The following TMEM14C variants were observed in gnomAD, a reference collection of about 807,000 sequenced individuals.
The protein encoded by TMEM14C is chromosome 6 open reading frame 53.
TMEM14C carries 13 observed loss-of-function variants against 14.8 expected under a neutral mutation model. The ratio of observed to expected loss-of-function variants is 0.88; its 90% CI spans 0.57 to 1.40. TMEM14C has a LOEUF of 1.40. Ranked by LOEUF, TMEM14C falls within the 40% of genes most tolerant of loss-of-function variation. The pLI, the probability that TMEM14C is intolerant of heterozygous loss-of-function variation, is 0.00. For synonymous variants in TMEM14C, 57 were observed against 51.3 expected, an observed-to-expected ratio of 1.11 and a Z score of -0.48; for missense variants, 142 against 138.8, an observed-to-expected ratio of 1.02 and a Z score of -0.12.
At chr6:10,729,831 C>T (rs1451208189) in intron 5 of TMEM14C, among the ~76,000 whole-genome samples, 1 of 151,700 alleles carries the variant, frequency 6.6e-6, no homozygotes, top group Non-Finnish European at 1.5e-5. Flanking sequence ...GGTGTGGTGG[C>T]TCATGCCTAC....
At position 10,727,714 on chromosome 6, in the gene TMEM14C, A is replaced by G. The variant is rs773785454; in HGVS notation, c.200-926A>G. On this transcript the variant is annotated intron_variant, in intron 4 of 5. Transcript: ENST00000229563. ...CGGACGCCTGTAGTCCGAGTTACTC[A>G]GGAGGCTGAGACTTGAGAATTGCTT... 7.0e-4 allele frequency among the ~76,000 whole-genome samples: 106 copies of G among 151,896 alleles called. 1 individual carries two copies. Among genetic ancestry groups the G allele is most frequent in the Admixed American group, 4.6e-4 (7 of 15,238 alleles).
chr6:10,727,944 T>A (rs1415774677), intron 4 of TMEM14C, among the ~76,000 whole-genome samples: 2 of 152,236 alleles, frequency 1.3e-5, no homozygotes, highest in Non-Finnish European at 2.9e-5. Flanking sequence ...CTCCATGTGG[T>A]CTGGCACCTC....
chr6:10,726,073 C>T lies in TMEM14C; in HGVS notation c.199+65C>T, dbSNP rs903043807. The T allele has an allele frequency of 8.2e-6, 13 of 1,583,260 alleles. No homozygotes were observed. The Admixed American group carries it at 1.8e-4, about 22-fold the overall frequency. On this transcript the variant is annotated intron_variant, in intron 4 of 5. Coordinates refer to ENST00000229563, the MANE Select transcript of TMEM14C (RefSeq NM_016462.4). ...CCAGAATACTCTTTTCCAAAAGACC[C>T]TGGTTTGGTGGGATGGGGTGAGTTC...
At position 10,729,138 on chromosome 6, in the gene TMEM14C, G is replaced by T. The variant is rs1442602795; in HGVS notation, c.287+411G>T. On this transcript the variant is annotated intron_variant, in intron 5 of 5. Transcript: ENST00000229563. ...GATTGAATCCTGTTTTCTATTTTTTGTTGTTGTTATTGAGACGGAGTATCA... is the reference window on the plus strand; with the variant it reads ...GATTGAATCCTGTTTTCTATTTTTTTTTGTTGTTATTGAGACGGAGTATCA... Among the ~76,000 whole-genome samples the T allele has an allele frequency of 4.6e-5, 7 of 152,150 alleles. No homozygotes were observed. The East Asian group carries it at 1.2e-3, about 25-fold the overall frequency.
intron 1 of TMEM14C, chr6:10,724,324 T>G: frequency 2.5e-6 from 1 of 402,644 alleles, no homozygotes; most frequent in Non-Finnish European, 4.5e-6. Context: ...GCCTATGTGA[T>G]TAAAACTGAG....
chr6:10,725,620 A>G (rs1303877205), intron 3 of TMEM14C, among the ~76,000 whole-genome samples: 1 of 152,138 alleles, frequency 6.6e-6, no homozygotes, highest in Non-Finnish European at 1.5e-5. Context: ...GATTAGAAAG[A>G]AGGCCTAGCC....
intron 3 of TMEM14C, among the ~76,000 whole-genome samples, chr6:10,725,398 C>G (rs1049541530): frequency 2.6e-5 from 4 of 152,180 alleles, no homozygotes; most frequent in Non-Finnish European, 5.9e-5. Context: ...TTTGAACTCT[C>G]CTCGTTAGGC....
chr6:10,724,497 G>T (rs897529856), intron 1 of TMEM14C, 73 bp from the exon 2 acceptor site: 19 of 991,506 alleles, frequency 1.9e-5, no homozygotes, highest in Non-Finnish European at 2.8e-5. Flanking sequence ...TAGCTTGCAG[G>T]TTGGACACAC....
intron 5 of TMEM14C, among the ~76,000 whole-genome samples, chr6:10,729,239 G>T (rs1375399922): frequency 6.6e-6 from 1 of 152,118 alleles, no homozygotes; most frequent in South Asian, 2.1e-4. Flanking sequence ...GGGTTCAAGC[G>T]ATTCTCATGC....
At chr6:10,724,468 T>G (rs768690521) in intron 1 of TMEM14C, 102 bp from the exon 2 acceptor site, 1 of 728,892 alleles carries the variant, frequency 1.4e-6, no homozygotes, top group Non-Finnish European at 2.4e-6. Flanking sequence ...CAGTGAAGAA[T>G]ACTGAGACTT....
chr6:10,728,295 T>G (rs1005577406), intron 4 of TMEM14C, among the ~76,000 whole-genome samples: 3 of 152,218 alleles, frequency 2.0e-5, no homozygotes, highest in African/African-American at 7.2e-5. Context: ...GTGGGAATTG[T>G]GTGCAGGGTA....
chr6:10,730,931 A>G lies in TMEM14C; in HGVS notation c.*265A>G, dbSNP rs1771006131. On this transcript the variant is annotated 3_prime_UTR_variant, in exon 6 of 6. Transcript: ENST00000229563. The stretch of plus-strand genomic sequence containing the variant: ...TGTTGTCTTTTCTTTCTGTATCTGT[A>G]GGTAAATCTCAAGGGTAAAATGTTA... 9.2e-7 allele frequency: 1 copy of G among 1,092,854 alleles called. No individual in the cohort carries two copies. The highest frequency in any genetic ancestry group is 1.6e-5 in the African/African-American group (1 of 60,878). The allele number at this position is 1,092,854 out of a possible 1,614,324, so 67.7% of individuals were successfully genotyped here.
rs1561903946 is a variant in TMEM14C at position 10,725,040 on chromosome 6, AGGG to A, written c.97+4_97+6del. ...GATCATTGGCTATGTAAAAGCAGGT[AGGG>A]TTTTGTTGTTACTTAGCCTCTTAAC... On this transcript the variant is annotated splice_donor_5th_base_variant and intron_variant, in intron 3 of 5. Transcript: ENST00000229563. 2 of 1,614,178 alleles carry A rather than the reference AGGG, an allele frequency of 1.2e-6. No individual in the cohort carries two copies. The highest frequency in any genetic ancestry group is 3.3e-5 in the Admixed American group (2 of 60,026).
intron 5 of TMEM14C, among the ~76,000 whole-genome samples, chr6:10,730,207 A>C (rs1471017997): frequency 6.6e-6 from 1 of 152,226 alleles, no homozygotes; most frequent in Non-Finnish European, 1.5e-5. Flanking sequence ...TTGGAGAAAG[A>C]TTACATACTC....
rs1366538826 is a variant in TMEM14C, at chr6:10,723,097, A to G, written c.-189A>G. 2 of 152,228 alleles carry G rather than the reference A, an allele frequency of 1.3e-5. No individual in the cohort carries two copies. Among genetic ancestry groups the G allele is most frequent in the East Asian group, 1.9e-4 (1 of 5,192 alleles). 9.4% of individuals were successfully genotyped at this position (152,228 alleles called of 1,614,324 possible). On this transcript the variant is annotated 5_prime_UTR_variant, in exon 1 of 6. Transcript: ENST00000229563. ...TCTCTGACCGCCCCTCTCCCGGTAC[A>G]CTGCGCAGGCACAACAGAGCCGCTC...
intron 4 of TMEM14C, among the ~76,000 whole-genome samples, chr6:10,727,703 C>T (rs1770907102): frequency 6.6e-6 from 1 of 151,988 alleles, no homozygotes; most frequent in African/African-American, 2.4e-5. Context: ...CGCCTGTAGT[C>T]CGAGTTACTC....
Position 10,724,593 on chromosome 6 carries a change from G to C in TMEM14C, c.-21G>C. 1.9e-6 allele frequency: 3 copies of C among 1,612,800 alleles called. No individual in the cohort carries two copies. The highest frequency in any genetic ancestry group is 1.7e-6 in the Non-Finnish European group (2 of 1,179,336). On this transcript the variant is annotated 5_prime_UTR_variant, in exon 2 of 6. Coordinates refer to ENST00000229563, the MANE Select transcript of TMEM14C (RefSeq NM_016462.4). The stretch of plus-strand genomic sequence containing the variant: ...AGGTGCAGGCCTGGGGTAGTCTCCT[G>C]TCTGGACAGAGAAGAGAAAAATGCA...
In TMEM14C at chr6:10,725,774, G is replaced by C. The variant is rs1023787008; in HGVS notation, c.98-133G>C. ...CACTCTCTGTAACGTCTTCCTGCTT[G>C]AGTCCACCTTGGCTATGAGCTGTGT... On this transcript the variant is annotated intron_variant, in intron 3 of 5. Transcript: ENST00000229563. The C allele has an allele frequency of 9.7e-6, 10 of 1,035,210 alleles. No homozygotes were observed. In the African/African-American group the frequency reaches 1.3e-4, roughly 13 times the overall value. 64.1% of individuals were successfully genotyped at this position (1,035,210 alleles called of 1,614,324 possible).
At chr6:10,725,339 A>G (rs1456339019) in intron 3 of TMEM14C, among the ~76,000 whole-genome samples, 1 of 152,138 alleles carries the variant, frequency 6.6e-6, no homozygotes, top group African/African-American at 2.4e-5. Flanking sequence ...CCCAAGTGCC[A>G]TCTCTGGGCT....
Sources: gnomAD v4.1 joint callset for allele counts (sites outside exome capture counted in the v4.1 genomes callset) on GRCh38, gnomAD v4.1.1 for gene constraint, MANE v1.5 for transcripts, NCBI Gene and HGNC (gene_info 2026-07-23, HGNC 2026-07-21) for gene names.